Variants in PRORP observed in about 807,000 individuals in gnomAD.
PRORP encodes mitochondrial ribonuclease P catalytic subunit.
In PRORP, 51 loss-of-function variants were observed where a neutral mutation model predicts 59.4. The ratio of observed to expected loss-of-function variants is 0.86; its 90% confidence interval spans 0.69 to 1.08. The LOEUF (loss-of-function observed/expected upper bound fraction) is 1.08, where lower values mean the gene tolerates loss of function less well. Among genes scored for constraint, PRORP ranks in the 50% least tolerant of loss-of-function variants. The pLI is 0.00. For missense variants in PRORP, 646 were observed against 690.3 expected (o/e 0.94, Z 0.72); for synonymous variants, 231 against 245.6 (o/e 0.94, Z 0.55).
In PRORP at chr14:35,217,957, G is replaced by A. The variant is rs565951425; in HGVS notation, c.1275+37180G>A. Among the ~76,000 whole-genome samples the A allele has an allele frequency of 2.6e-5, 4 of 152,078 alleles. No individual in the cohort carries two copies. In the South Asian group the frequency reaches 8.3e-4, roughly 32 times the overall value. ...AATTTCCATGTGAATTTTAGAATCA[G>A]TTTGTCAATTTCTACAAAGAAGCCA... On this transcript the variant is annotated intron_variant, in intron 5 of 7. Transcript: ENST00000534898.
Position 35,126,776 on chromosome 14 carries a change from G to A in PRORP, c.1028G>A (p.Arg343Gln), listed in dbSNP as rs530204460. ...TGGAAAGGACAATTCACCACAGTCC[G>A]AAAAAGGTGAAGACCAATGTTTATT... ...KQWKGQFTTV[R>Q]KSGQCSGCGK... is the part of the protein sequence containing the mutation. Residue 343 changes from arginine to glutamine, a missense_variant, in exon 3 of 8, where the codon CGA (arginine) becomes CAA (glutamine). Physicochemically the swap from Arg to Gln is conservative, Grantham distance 43 (BLOSUM62 1). Transcript: ENST00000534898. The A allele has an allele frequency of 5.6e-6, 9 of 1,607,008 alleles. No homozygotes were observed. In the Admixed American group the frequency reaches 6.8e-5, roughly 12 times the overall value.
chr14:35,264,798 T>G lies in PRORP; in HGVS notation c.1276-1929T>G, dbSNP rs1594357494. On this transcript the variant is annotated intron_variant, in intron 5 of 7. Coordinates refer to ENST00000534898, the MANE Select transcript of PRORP (RefSeq NM_014672.4). ...TTCCAGACCAGCCTGGCCATTATGG[T>G]GAAACCCCGTCTCTGCTAAAAATAC... 2.0e-5 allele frequency among the ~76,000 whole-genome samples: 3 copies of G among 152,190 alleles called. No homozygotes were observed. In the South Asian group the frequency reaches 6.2e-4, roughly 32 times the overall value.
chr14:35,220,721 AT>A (rs1175954845), intron 5 of PRORP, among the ~76,000 whole-genome samples: 1 of 149,706 alleles, frequency 6.7e-6, no homozygotes, highest in African/African-American at 2.5e-5. Flanking sequence ...AACACCTTTA[AT>A]TTTAATTATT....
intron 5 of PRORP, among the ~76,000 whole-genome samples, chr14:35,210,960 AC>A (rs2049427932): frequency 6.6e-6 from 1 of 151,510 alleles, no homozygotes; most frequent in Non-Finnish European, 1.5e-5. Flanking sequence ...TTGTAGAGAC[AC>A]AGGGTCTTAC....
intron 4 of PRORP, among the ~76,000 whole-genome samples, chr14:35,157,566 T>G (rs1009245039): frequency 2.0e-5 from 3 of 152,134 alleles, no homozygotes; most frequent in Non-Finnish European, 4.4e-5. Context: ...ATTTTTGTAT[T>G]TTTAGTAGAG....
At chr14:35,198,909 G>A (rs561909720) in intron 5 of PRORP, among the ~76,000 whole-genome samples, 31 of 152,352 alleles carry the variant, frequency 2.0e-4, no homozygotes, top group Admixed American at 7.2e-4. Context: ...GCTTACGCCT[G>A]TAATCCCAGC....
chr14:35,136,675 C>T lies in PRORP; in HGVS notation c.1167+9064C>T, dbSNP rs1410592430. On this transcript the variant is annotated intron_variant, in intron 4 of 7. Transcript: ENST00000534898. ...CAGGTGTGAGCCACCGCACCTGGCC[C>T]ATATTGGGTTTTAATGTCAGCAGAA... Among the ~76,000 whole-genome samples, 2 of 145,164 alleles carry T rather than the reference C, an allele frequency of 1.4e-5. 1 individual carries two copies.
At chr14:35,180,521 A>AGTGT (rs1422498163) in intron 4 of PRORP, 149 bp from the exon 5 acceptor site, 4 of 467,112 alleles carry the variant, frequency 8.6e-6, no homozygotes, top group African/African-American at 2.3e-5. Context: ...TCATTTGTAG[A>AGTGT]GTATCTGTGT....
chr14:35,240,094 G>T (rs1232806253), intron 5 of PRORP, among the ~76,000 whole-genome samples: 1 of 148,336 alleles, frequency 6.7e-6, no homozygotes. Flanking sequence ...AAAAAAAGAA[G>T]AAGAAATTAG....
chr14:35,209,038 A>G (rs2049368379), intron 5 of PRORP, among the ~76,000 whole-genome samples: 1 of 152,120 alleles, frequency 6.6e-6, no homozygotes, highest in African/African-American at 2.4e-5. Context: ...CTCAAAAAAT[A>G]AAAATAAAAA....
chr14:35,180,207 C>T (rs1409589827), intron 4 of PRORP, among the ~76,000 whole-genome samples: 1 of 152,180 alleles, frequency 6.6e-6, no homozygotes, highest in Non-Finnish European at 1.5e-5. Context: ...AGATCTCAAA[C>T]TCCGTGCTGG....
intron 4 of PRORP, among the ~76,000 whole-genome samples, chr14:35,179,701 G>A (rs1458178727): frequency 6.6e-6 from 1 of 152,208 alleles, no homozygotes; most frequent in Non-Finnish European, 1.5e-5. Context: ...CTTCAGCTTA[G>A]AGAAGTTTGA....
chr14:35,272,758 T>A (rs1444899789), intron 7 of PRORP, among the ~76,000 whole-genome samples: 1 of 152,168 alleles, frequency 6.6e-6, no homozygotes, highest in African/African-American at 2.4e-5. Flanking sequence ...ATTTCTCTAC[T>A]TTTGTTTACA....
In PRORP at chr14:35,228,528, T is replaced by C. The variant is rs2049994493; in HGVS notation, c.1276-38199T>C. Among the ~76,000 whole-genome samples the C allele has an allele frequency of 2.0e-5, 3 of 152,218 alleles. No homozygotes were observed. The South Asian group carries it at 6.2e-4, about 32-fold the overall frequency. ...TATATCCATGAGTACCCAATGTTTA[T>C]CTCATACTTGTAAGTGAGAACATGC... On this transcript the variant is annotated intron_variant, in intron 5 of 7. Coordinates refer to ENST00000534898, the MANE Select transcript of PRORP (RefSeq NM_014672.4).
chr14:35,123,112 A>G lies in PRORP; in HGVS notation c.-134A>G, dbSNP rs1308826614. On this transcript the variant is annotated 5_prime_UTR_variant, in exon 2 of 8. Coordinates refer to ENST00000534898, the MANE Select transcript of PRORP (RefSeq NM_014672.4). ...AAAAGCAGAACCTTGATTTGTCTGT[A>G]AGGAAGAAACACAAACCTTTTAAAA... The G allele has an allele frequency of 1.1e-6, 1 of 895,484 alleles. No individual in the cohort carries two copies. The highest frequency in any genetic ancestry group is 2.5e-5 in the East Asian group (1 of 40,150). 55.5% of individuals were successfully genotyped at this position (895,484 alleles called of 1,614,324 possible).
chr14:35,226,321 C>T (rs1409546482), intron 5 of PRORP, among the ~76,000 whole-genome samples: 4 of 152,104 alleles, frequency 2.6e-5, no homozygotes, highest in Non-Finnish European at 4.4e-5. Context: ...CCACAGATAC[C>T]TAAATCATTA....
intron 4 of PRORP, among the ~76,000 whole-genome samples, chr14:35,172,532 C>T (rs1226431042): frequency 1.0e-4 from 15 of 142,864 alleles, no homozygotes. Context: ...CCCTCTCTCT[C>T]CTGTCCTCTC....
chr14:35,237,130 T>C (rs1454810281), intron 5 of PRORP, among the ~76,000 whole-genome samples: 1 of 150,812 alleles, frequency 6.6e-6, no homozygotes, highest in African/African-American at 2.4e-5. Context: ...TCTTGCTCTG[T>C]CACCCAGGCT....
At chr14:35,127,249 C>G (rs1466969892) in intron 3 of PRORP, among the ~76,000 whole-genome samples, 3 of 141,418 alleles carry the variant, frequency 2.1e-5, no homozygotes, top group Non-Finnish European at 3.1e-5. Context: ...GACCCTGTCT[C>G]AAAAAAAAAA....
Sources: gnomAD v4.1 joint callset for allele counts (sites outside exome capture counted in the v4.1 genomes callset) on GRCh38, gnomAD v4.1.1 for gene constraint, MANE v1.5 for transcripts, NCBI Gene and HGNC (gene_info 2026-07-23, HGNC 2026-07-21) for gene names.